Variants in OTOF observed in about 807,000 individuals in gnomAD.
OTOF encodes otoferlin.
In OTOF, 218 loss-of-function variants were observed where a neutral mutation model predicts 236.8. The ratio of observed to expected loss-of-function variants is 0.92; its 90% CI spans 0.82 to 1.03. The LOEUF (loss-of-function observed/expected upper bound fraction) is 1.03, where lower values mean the gene tolerates loss of function less well. Among genes scored for constraint, OTOF ranks in the 50% least tolerant of loss-of-function variants. The pLI, the probability that OTOF is intolerant of heterozygous loss-of-function variation, is 0.00. For missense variants in OTOF, 2,590 were observed against 2,694.4 expected, an observed-to-expected ratio of 0.96 and a Z score of 0.86; for synonymous variants, 1,041 against 1,072.5, an observed-to-expected ratio of 0.97 and a Z score of 0.57.
intron 1 of OTOF, 52 bp downstream of exon 1, chr2:26,558,441 G>T: frequency 6.6e-7 from 1 of 1,512,274 alleles, no homozygotes; most frequent in Non-Finnish European, 9.2e-7. Flanking sequence ...CCAGAGCATG[G>T]GCTGGTCCAG....
chr2:26,474,691 C>T lies in OTOF; in HGVS notation c.3127-17G>A. The T allele has an allele frequency of 6.2e-7, 1 of 1,613,092 alleles. No homozygotes were observed. Among genetic ancestry groups the T allele is most frequent in the Non-Finnish European group, 8.5e-7 (1 of 1,179,926 alleles). On this transcript the variant is annotated splice_polypyrimidine_tract_variant and intron_variant, in intron 25 of 46. Transcript: ENST00000272371. The stretch of plus-strand genomic sequence containing the variant: ...AGCTTTGCCCTGACGCAACAGACAA[C>T]CCAGAAGCCTCTTGGTGCTTGCTGT...
At chr2:26,501,664 T>C in intron 8 of OTOF, 90 bp downstream of exon 8, 1 of 904,678 alleles carries the variant, frequency 1.1e-6, no homozygotes, top group South Asian at 1.3e-5. Context: ...CCTGGATCCA[T>C]GCCTCAGTAT....
intron 1 of OTOF, among the ~76,000 whole-genome samples, chr2:26,550,799 G>C (rs1667442330): frequency 6.6e-6 from 1 of 152,054 alleles, no homozygotes; most frequent in Non-Finnish European, 1.5e-5. Flanking sequence ...CTCACCTCTA[G>C]AGCCTTCTCT....
chr2:26,485,079 G>A (rs769852061), intron 11 of OTOF, among the ~76,000 whole-genome samples: 31 of 152,204 alleles, frequency 2.0e-4, no homozygotes, highest in Non-Finnish European at 3.8e-4. Flanking sequence ...GGCATGGCCT[G>A]CAGGCTCCTG....
intron 30 of OTOF, chr2:26,472,227 T>C (rs1165708344): frequency 6.5e-6 from 3 of 459,950 alleles, no homozygotes; most frequent in African/African-American, 2.0e-5. Context: ...CACATACGCA[T>C]GCACGCACAA....
chr2:26,477,111 C>A lies in OTOF; in HGVS notation c.2523+61G>T. 6.4e-7 allele frequency: 1 copy of A among 1,569,822 alleles called. No homozygotes were observed. The highest frequency in any genetic ancestry group is 8.7e-7 in the Non-Finnish European group (1 of 1,151,096). ...TAGCCTCCTGATTGAGCCCCCTGAT[C>A]CTGAGGGGCCCCAGAGAGCCAGCCC... On this transcript the variant is annotated intron_variant, in intron 21 of 46. Transcript: ENST00000272371. The surrounding 1 kb of genome is among the most constrained non-coding windows in gnomAD (Gnocchi z 4.7).
intron 2 of OTOF, among the ~76,000 whole-genome samples, chr2:26,536,282 A>G (rs1667067079): frequency 6.6e-6 from 1 of 152,114 alleles, no homozygotes; most frequent in African/African-American, 2.4e-5. Flanking sequence ...CACCAACCCC[A>G]TTTGACAAAG....
intron 5 of OTOF, 80 bp downstream of exon 5, chr2:26,516,338 G>T (rs1472446505): frequency 7.5e-6 from 10 of 1,335,996 alleles, no homozygotes; most frequent in Admixed American, 1.8e-5. Flanking sequence ...GCCTAGAGAG[G>T]CCTGTCAGTA....
intron 4 of OTOF, among the ~76,000 whole-genome samples, chr2:26,518,310 G>A (rs1666585771): frequency 6.6e-6 from 1 of 152,248 alleles, no homozygotes; most frequent in South Asian, 2.1e-4. Context: ...GTCCTGGGAG[G>A]TGGATAATGT....
At position 26,461,073 on chromosome 2, in the gene OTOF, G is replaced by A. The variant is rs759282223; in HGVS notation, c.5534-43C>T. 1 of 1,196,610 alleles carries A rather than the reference G, an allele frequency of 8.4e-7. No homozygotes were observed. Among genetic ancestry groups the A allele is most frequent in the Non-Finnish European group, 1.2e-6 (1 of 827,812 alleles). 74.1% of individuals were successfully genotyped at this position (1,196,610 alleles called of 1,614,324 possible). A position where few individuals can be genotyped will look rare whatever the true frequency, so the allele number is the denominator to read the frequency against. ...TCAGCTCAGAGTGAACAGGGCTGGG[G>A]TGGGGCGGGGTGGGGGTGGGGGTCT... On this transcript the variant is annotated intron_variant, in intron 43 of 46. Transcript: ENST00000272371. This position sits in a 1 kb window ranked among gnomAD's most constrained non-coding sequence, Gnocchi z 6.2.
chr2:26,499,810 A>G (rs919414143), intron 8 of OTOF, among the ~76,000 whole-genome samples: 8 of 152,204 alleles, frequency 5.3e-5, no homozygotes, highest in Admixed American at 3.9e-4. Context: ...TTATTGCATT[A>G]TACACTGTAT....
intron 3 of OTOF, among the ~76,000 whole-genome samples, chr2:26,523,498 C>T (rs796958254): frequency 1.4e-4 from 22 of 152,290 alleles, no homozygotes; most frequent in African/African-American, 5.3e-4. Flanking sequence ...GACCCACTCT[C>T]CCAGGCAGCT....
chr2:26,501,647 T>C, intron 8 of OTOF, 107 bp downstream of exon 8: 1 of 810,194 alleles, frequency 1.2e-6, no homozygotes, highest in South Asian at 1.4e-5. Flanking sequence ...TGTTGTTCTC[T>C]ATGACCCCTG....
chr2:26,476,804 C>T lies in OTOF; in HGVS notation c.2676+87G>A, dbSNP rs1665319048. 11 of 1,256,612 alleles carry T rather than the reference C, an allele frequency of 8.8e-6. No homozygotes were observed. The South Asian group carries it at 1.2e-4, about 14-fold the overall frequency. The allele number at this position is 1,256,612 out of a possible 1,614,324, so 77.8% of individuals were successfully genotyped here. On this transcript the variant is annotated intron_variant, in intron 22 of 46. Transcript: ENST00000272371. ...AGCACCTGCTGCTTGAAGGCCCCAC[C>T]CTGTCACTCAGGCTTCCAGCCCCAG... is the stretch of plus-strand genomic sequence containing the variant.
In OTOF at chr2:26,461,827, G is replaced by C; in HGVS notation, c.5402C>G (p.Ala1801Gly). 6.2e-7 allele frequency: 1 copy of C among 1,614,148 alleles called. No individual in the cohort carries two copies. The highest frequency in any genetic ancestry group is 1.1e-5 in the South Asian group (1 of 91,084). Residue 1801 changes from alanine to glycine, a missense_variant, in exon 43 of 47, where the codon GCG (alanine) becomes GGG (glycine). Physicochemically the swap from Ala to Gly is moderately conservative, Grantham distance 60. Around this residue, in one of 2 missense-constraint regions of OTOF, gnomAD observed 1,211 missense variants for 1,352.8 expected, o/e 0.90. Transcript: ENST00000272371. This position sits in a 1 kb window ranked among gnomAD's most constrained non-coding sequence, Gnocchi z 6.2. The stretch of plus-strand genomic sequence containing the variant: ...GGAGATGACGATCTTCTCCTCCGCC[G>C]CCAGGTAGTCGAAGGGGAACAGGTA... ...WRYLFPFDYLAAEEKIVISKK... is the reference protein window; with the variant it reads ...WRYLFPFDYLGAEEKIVISKK...
chr2:26,471,812 C>T (rs371697067), intron 30 of OTOF, among the ~76,000 whole-genome samples: 2 of 152,050 alleles, frequency 1.3e-5, no homozygotes, highest in Non-Finnish European at 2.9e-5. Flanking sequence ...TATGCACATA[C>T]ACCACATGCA....
intron 1 of OTOF, among the ~76,000 whole-genome samples, chr2:26,539,265 A>G (rs1035273617): frequency 6.6e-6 from 1 of 152,206 alleles, no homozygotes; most frequent in Admixed American, 6.5e-5. Context: ...ACCTAGAGAC[A>G]GGATGGGTTA....
chr2:26,479,378 G>A lies in OTOF; in HGVS notation c.2100C>T (p.Tyr700=), dbSNP rs779284596. 7.0e-5 allele frequency: 113 copies of A among 1,612,668 alleles called. No homozygotes were observed. Among genetic ancestry groups the A allele is most frequent in the Non-Finnish European group, 8.1e-5 (96 of 1,179,944 alleles). Reference sequence around the variant, plus strand: ...TTCGCTCCAGGTAGGGCAGATGGAAGTAGTTCCTGGGGTGGGCAGAGGCGG... The same window carrying A: ...TTCGCTCCAGGTAGGGCAGATGGAAATAGTTCCTGGGGTGGGCAGAGGCGG... ...PMRPQVTDRN[Y]FHLPYLERKP... Residue 700 remains tyrosine (Y), a synonymous_variant, in exon 18 of 47, where the codon TAC becomes TAT. Transcript: ENST00000272371.
At chr2:26,552,004 G>T (rs1316652095) in intron 1 of OTOF, among the ~76,000 whole-genome samples, 2 of 151,174 alleles carry the variant, frequency 1.3e-5, no homozygotes, top group Admixed American at 1.3e-4. Flanking sequence ...ATTGATGGTA[G>T]CTGAAATTGG....
Sources: gnomAD v4.1 joint callset for allele counts (sites outside exome capture counted in the v4.1 genomes callset) on GRCh38, gnomAD v4.1.1 for gene constraint, gnomAD v4.1.1 regional missense constraint, Gnocchi (gnomAD v3.1) non-coding constraint, MANE v1.5 for transcripts, NCBI Gene and HGNC (gene_info 2026-07-23, HGNC 2026-07-21) for gene names.